Variants in MAN1A1 observed in about 807,000 individuals in gnomAD.
MAN1A1 encodes the protein mannosyl-oligosaccharide 1,2-alpha-mannosidase IA.
A neutral mutation model predicts 70.8 loss-of-function variants in MAN1A1; 29 were observed. The ratio of observed to expected loss-of-function variants is 0.41; its 90% CI spans 0.31 to 0.56. The LOEUF (loss-of-function observed/expected upper bound fraction) is 0.56, where lower values mean the gene tolerates loss of function less well. Among genes scored for constraint, MAN1A1 ranks in the 20% least tolerant of loss-of-function variants. The pLI is 0.29. For synonymous variants in MAN1A1, 349 were observed against 330.1 expected (o/e 1.06, Z -0.62); for missense variants, 747 against 841.3 (o/e 0.89, Z 1.39).
chr6:119,311,199 T>C (rs1258458995), intron 2 of MAN1A1, among the ~76,000 whole-genome samples: 1 of 152,234 alleles, frequency 6.6e-6, no homozygotes, highest in Non-Finnish European at 1.5e-5. Flanking sequence ...CAATGCATTT[T>C]AGGCATTATA....
intron 2 of MAN1A1, among the ~76,000 whole-genome samples, chr6:119,317,362 T>G (rs1222171710): frequency 6.6e-6 from 1 of 152,176 alleles, no homozygotes; most frequent in Non-Finnish European, 1.5e-5. Context: ...GTATTTTCAC[T>G]GCCATGAAAA....
At chr6:119,281,638 C>T (rs7740969) in intron 5 of MAN1A1, among the ~76,000 whole-genome samples, 6,060 of 152,292 alleles carry the variant, frequency 0.04, 142 homozygotes, top group African/African-American at 0.048. Context: ...TCTTAATCCA[C>T]TGAGATTTCA....
chr6:119,265,737 CCT>C (rs1029842941), intron 5 of MAN1A1, among the ~76,000 whole-genome samples: 11 of 151,888 alleles, frequency 7.2e-5, no homozygotes, highest in African/African-American at 1.9e-4. Flanking sequence ...AGGGATGTCC[CCT>C]CTTACCACTG....
chr6:119,245,498 C>T (rs930352528), intron 6 of MAN1A1, among the ~76,000 whole-genome samples: 1 of 152,072 alleles, frequency 6.6e-6, no homozygotes, highest in Non-Finnish European at 1.5e-5. Context: ...TCGCTTCTTG[C>T]CCTACAGGAA....
At position 119,321,354 on chromosome 6, in the gene MAN1A1, A is replaced by G. The variant is rs558432403; in HGVS notation, c.604-14362T>C. On this transcript the variant is annotated intron_variant, in intron 2 of 12. Transcript: ENST00000368468. ...CATTGACAGAAAATACCTTCCCAGT[A>G]CTGAATATAAAATGCTGTCCTTGGC... Among the ~76,000 whole-genome samples, 5 of 152,328 alleles carry G rather than the reference A, an allele frequency of 3.3e-5. No homozygotes were observed. In the South Asian group the frequency reaches 1.0e-3, roughly 32 times the overall value.
chr6:119,288,269 G>C (rs1237907696), intron 5 of MAN1A1, among the ~76,000 whole-genome samples: 4 of 151,918 alleles, frequency 2.6e-5, no homozygotes, highest in Non-Finnish European at 5.9e-5. Flanking sequence ...CTGAGCCTCA[G>C]TGATGAAATC....
At chr6:119,210,358 C>T (rs1774013735) in intron 6 of MAN1A1, among the ~76,000 whole-genome samples, 1 of 152,030 alleles carries the variant, frequency 6.6e-6, no homozygotes, top group Non-Finnish European at 1.5e-5. Context: ...GAGAACACCA[C>T]CAAAAAGGCG....
In MAN1A1 at chr6:119,349,525, G is replaced by GGGGAGGGGCAGCGCACCTCTGGGC; in HGVS notation, c.-230_-223+16dup. 2.0e-6 allele frequency: 2 copies of GGGGAGGGGCAGCGCACCTCTGGGC among 985,000 alleles called. No homozygotes were observed. The highest frequency in any genetic ancestry group is 2.4e-6 in the Non-Finnish European group (2 of 829,112). 61.0% of individuals were successfully genotyped at this position (985,000 alleles called of 1,614,324 possible). ...GGTCAGGGCAGCGCGCGAGCACCTC[G>GGGGAGGGGCAGCGCACCTCTGGGC]GGGAGGGGCAGCGCACCTCTGGGCA... is the stretch of plus-strand genomic sequence containing the variant. On this transcript the variant is annotated intron_variant, in intron 1 of 12. Coordinates refer to ENST00000368468, the MANE Select transcript of MAN1A1 (RefSeq NM_005907.4).
intron 6 of MAN1A1, among the ~76,000 whole-genome samples, chr6:119,215,185 AACTT>A (rs1211526318): frequency 6.6e-6 from 1 of 151,482 alleles, no homozygotes; most frequent in African/African-American, 2.4e-5. Flanking sequence ...TGTACCTTAA[AACTT>A]AAAGTATAAA....
At chr6:119,295,067 C>T (rs1772168394) in intron 4 of MAN1A1, among the ~76,000 whole-genome samples, 1 of 152,004 alleles carries the variant, frequency 6.6e-6, no homozygotes, top group South Asian at 2.1e-4. Context: ...GTATGCTTCC[C>T]TCCTTCAATC....
At position 119,281,901 on chromosome 6, in the gene MAN1A1, C is replaced by CA. The variant is rs113474047; in HGVS notation, c.897+8781dup. On this transcript the variant is annotated intron_variant, in intron 5 of 12. Coordinates refer to ENST00000368468, the MANE Select transcript of MAN1A1 (RefSeq NM_005907.4). Reference sequence around the variant, plus strand: ...TGAAACCCCATCTCTACTAAAAATACAAAAAAAAAAATTAGCCGGGCATGG... The same window carrying CA: ...TGAAACCCCATCTCTACTAAAAATACAAAAAAAAAAAATTAGCCGGGCATGG... Among the ~76,000 whole-genome samples, 108 of 148,056 alleles carry CA rather than the reference C, an allele frequency of 7.3e-4. No homozygotes were observed. The East Asian group carries it at 8.4e-3, about 11-fold the overall frequency.
At chr6:119,271,898 T>TA (rs1361482377) in intron 5 of MAN1A1, among the ~76,000 whole-genome samples, 1 of 152,178 alleles carries the variant, frequency 6.6e-6, no homozygotes, top group Non-Finnish European at 1.5e-5. Flanking sequence ...GATCACTACA[T>TA]AAAAGTCTAC....
At chr6:119,273,159 A>G (rs1293657473) in intron 5 of MAN1A1, among the ~76,000 whole-genome samples, 1 of 152,182 alleles carries the variant, frequency 6.6e-6, no homozygotes, top group Admixed American at 6.5e-5. Context: ...AAATTTAGTT[A>G]ATGATTGTTT....
intron 10 of MAN1A1, among the ~76,000 whole-genome samples, chr6:119,189,334 A>G (rs755533958): frequency 3.3e-5 from 5 of 152,170 alleles, no homozygotes; most frequent in Non-Finnish European, 5.9e-5. Flanking sequence ...TGTGGAGAAG[A>G]TTAATAATGG....
intron 5 of MAN1A1, among the ~76,000 whole-genome samples, chr6:119,285,827 A>T (rs117955794): frequency 0.021 from 3,155 of 152,260 alleles, 52 homozygotes; most frequent in Non-Finnish European, 0.031. Flanking sequence ...TGTTTATACC[A>T]CATATTTCTA....
chr6:119,283,690 G>A (rs1455726759), intron 5 of MAN1A1, among the ~76,000 whole-genome samples: 1 of 152,094 alleles, frequency 6.6e-6, no homozygotes, highest in Non-Finnish European at 1.5e-5. Context: ...GCACACAGAT[G>A]GGCTTGGTGC....
intron 5 of MAN1A1, among the ~76,000 whole-genome samples, chr6:119,288,125 G>A (rs571632464): frequency 6.6e-6 from 1 of 151,966 alleles, no homozygotes; most frequent in East Asian, 1.9e-4. Context: ...GTTTCTAACT[G>A]TAACTTTCCT....
intron 5 of MAN1A1, among the ~76,000 whole-genome samples, chr6:119,257,927 C>T (rs550967472): frequency 2.6e-5 from 4 of 152,134 alleles, no homozygotes; most frequent in South Asian, 2.1e-4. Flanking sequence ...ATGGGCAAAT[C>T]GCCAACATGA....
At position 119,275,399 on chromosome 6, in the gene MAN1A1, C is replaced by T. The variant is rs1424019733; in HGVS notation, c.897+15284G>A. Among the ~76,000 whole-genome samples, 7 of 135,056 alleles carry T rather than the reference C, an allele frequency of 5.2e-5. No individual in the cohort carries two copies. The East Asian group carries it at 6.2e-4, about 12-fold the overall frequency. 88.6% of individuals were successfully genotyped at this position (135,056 alleles called of 152,430 possible). A position where few individuals can be genotyped will look rare whatever the true frequency, so the allele number is the denominator to read the frequency against. ...TCGGCTCACTGCAAGCTCCGCCTCC[C>T]GGGTTCACGCCATTCTCCTGCCTCA... On this transcript the variant is annotated intron_variant, in intron 5 of 12. Transcript: ENST00000368468.
Sources: gnomAD v4.1 joint callset for allele counts (sites outside exome capture counted in the v4.1 genomes callset) on GRCh38, gnomAD v4.1.1 for gene constraint, MANE v1.5 for transcripts, NCBI Gene and HGNC (gene_info 2026-07-23, HGNC 2026-07-21) for gene names.